Variants in NSUN6 observed in about 807,000 individuals in gnomAD.
NSUN6 encodes tRNA (cytosine(72)-C(5))-methyltransferase NSUN6.
A neutral mutation model predicts 58.0 loss-of-function variants in NSUN6; 64 were observed. The observed-to-expected ratio is 1.10, with a 90% CI of 0.90 to 1.36. The LOEUF (loss-of-function observed/expected upper bound fraction) is 1.36, where lower values mean the gene tolerates loss of function less well. Ranked by LOEUF, NSUN6 falls within the 40% of genes most tolerant of loss-of-function variation. The pLI is 0.00. For synonymous variants in NSUN6, 231 were observed against 193.9 expected, an observed-to-expected ratio of 1.19 and a Z score of -1.59; for missense variants, 701 against 550.1, an observed-to-expected ratio of 1.27 and a Z score of -2.74.
chr10:18,569,809 T>G lies in NSUN6; in HGVS notation c.922+16140A>C, dbSNP rs1486053935. Among the ~76,000 whole-genome samples, 3 of 150,810 alleles carry G rather than the reference T, an allele frequency of 2.0e-5. No individual in the cohort carries two copies. The East Asian group carries it at 5.9e-4, about 30-fold the overall frequency. On this transcript the variant is annotated intron_variant, in intron 8 of 10. Coordinates refer to ENST00000377304, the MANE Select transcript of NSUN6 (RefSeq NM_182543.5). ...CATTCCATTCTCCATTCCATTCCAT[T>G]CTCTATTCCATTCTCCATACCATTC...
At chr10:18,633,466 C>G (rs2059109253) in intron 3 of NSUN6, among the ~76,000 whole-genome samples, 1 of 151,778 alleles carries the variant, frequency 6.6e-6, no homozygotes, top group Non-Finnish European at 1.5e-5. Context: ...GAGAAAATTC[C>G]ATTTGCAATA....
chr10:18,596,961 G>A (rs2057612595), intron 6 of NSUN6, among the ~76,000 whole-genome samples: 1 of 152,048 alleles, frequency 6.6e-6, no homozygotes, highest in Non-Finnish European at 1.5e-5. Context: ...CATTTAAGAT[G>A]CCTTGTTTTA....
chr10:18,552,457 C>T, intron 8 of NSUN6, among the ~76,000 whole-genome samples: 1 of 152,136 alleles, frequency 6.6e-6, no homozygotes, highest in East Asian at 1.9e-4. Context: ...GAGCCAGTAC[C>T]ACCCCTAGAT....
chr10:18,584,213 T>G (rs1039065619), intron 8 of NSUN6, among the ~76,000 whole-genome samples: 10 of 152,174 alleles, frequency 6.6e-5, no homozygotes, highest in African/African-American at 2.4e-4. Flanking sequence ...TTACAACTTA[T>G]TCCTGCCCAG....
rs572694213 is a variant in NSUN6 at position 18,620,311 on chromosome 10, T to A, written c.312-4018A>T. 2.6e-5 allele frequency among the ~76,000 whole-genome samples: 4 copies of A among 152,144 alleles called. No individual in the cohort carries two copies. The East Asian group carries it at 7.7e-4, about 29-fold the overall frequency. ...ACCGTGTTAGCCAGGATAGTCTCGA[T>A]CTCCTGACTTCGTGATCCGCCCGCC... On this transcript the variant is annotated intron_variant, in intron 3 of 10. Transcript: ENST00000377304.
intron 8 of NSUN6, among the ~76,000 whole-genome samples, chr10:18,563,901 A>G (rs1482314959): frequency 6.9e-6 from 1 of 144,422 alleles, no homozygotes; most frequent in Non-Finnish European, 1.5e-5. Context: ...TCCATCCTCC[A>G]TTACATTACA....
At chr10:18,563,721 C>T (rs953515556) in intron 8 of NSUN6, among the ~76,000 whole-genome samples, 1 of 150,514 alleles carries the variant, frequency 6.6e-6, no homozygotes, top group Non-Finnish European at 1.5e-5. Flanking sequence ...CATTCCACTC[C>T]GTTCCATTCT....
intron 3 of NSUN6, among the ~76,000 whole-genome samples, chr10:18,621,693 C>A (rs189724509): frequency 6.6e-6 from 1 of 152,174 alleles, no homozygotes; most frequent in Non-Finnish European, 1.5e-5. Flanking sequence ...ACTATAAATA[C>A]ACCTAGATTG....
chr10:18,626,625 C>T (rs2058816773), intron 3 of NSUN6, among the ~76,000 whole-genome samples: 1 of 152,044 alleles, frequency 6.6e-6, no homozygotes, highest in Admixed American at 6.5e-5. Flanking sequence ...AAAATTAGCT[C>T]AGCGTGATGC....
At chr10:18,571,202 TTCCATTC>T (rs1219887499) in intron 8 of NSUN6, among the ~76,000 whole-genome samples, 69 of 150,806 alleles carry the variant, frequency 4.6e-4, no homozygotes, top group African/African-American at 1.6e-3. Flanking sequence ...TTCCATTCTC[TTCCATTC>T]TCCATTCTGT....
At chr10:18,633,294 G>A (rs919907479) in intron 3 of NSUN6, among the ~76,000 whole-genome samples, 3 of 150,274 alleles carry the variant, frequency 2.0e-5, no homozygotes, top group South Asian at 2.1e-4. Context: ...GGATAGCATT[G>A]GGAGATATAC....
intron 3 of NSUN6, among the ~76,000 whole-genome samples, chr10:18,624,906 A>T (rs1402628897): frequency 1.3e-5 from 2 of 152,044 alleles, no homozygotes; most frequent in East Asian, 3.9e-4. Flanking sequence ...GTACAAACAC[A>T]TGTTTATTCG....
upstream of NSUN6, among the ~76,000 whole-genome samples, chr10:18,655,936 A>G (rs2059772651): frequency 6.6e-6 from 1 of 152,246 alleles, no homozygotes; most frequent in African/African-American, 2.4e-5. Context: ...CCAAAGTCAT[A>G]GACCTACGGC....
intron 3 of NSUN6, among the ~76,000 whole-genome samples, chr10:18,630,621 A>C (rs1451590135): frequency 6.6e-6 from 1 of 152,218 alleles, no homozygotes; most frequent in African/African-American, 2.4e-5. Flanking sequence ...AGAATACTAC[A>C]AACACCTCTA....
intron 10 of NSUN6, among the ~76,000 whole-genome samples, chr10:18,547,068 T>C (rs1262472453): frequency 6.6e-6 from 1 of 152,046 alleles, no homozygotes; most frequent in Non-Finnish European, 1.5e-5. Flanking sequence ...CCCATACCAG[T>C]TGGGCGAGAA....
chr10:18,591,162 A>G (rs2057363843), intron 7 of NSUN6, among the ~76,000 whole-genome samples: 2 of 152,302 alleles, frequency 1.3e-5, no homozygotes, highest in South Asian at 2.1e-4. Context: ...TCCTGGACAC[A>G]TACACCCTCC....
In NSUN6 at chr10:18,609,870, A is replaced by G; in HGVS notation, c.632T>C (p.Val211Ala). 1.3e-6 allele frequency: 2 copies of G among 1,597,474 alleles called. No homozygotes were observed. The highest frequency in any genetic ancestry group is 1.7e-6 in the Non-Finnish European group (2 of 1,164,978). Reference sequence around the variant, plus strand: ...TTGTAAAAATAAGTAACGGGGCAGTACACTGTCAAATGAAGGGCTGAGATA... The same window carrying G: ...TTGTAAAAATAAGTAACGGGGCAGTGCACTGTCAAATGAAGGGCTGAGATA... ...PVYLSPSFDS[V>A]LPRYLFLQNL... The change falls in exon 6 of 11, where the codon GTA (valine) becomes GCA (alanine). Residue 211 changes from valine to alanine, a missense_variant. Physicochemically the swap from Val to Ala is moderately conservative, Grantham distance 64. Coordinates refer to ENST00000377304, the MANE Select transcript of NSUN6 (RefSeq NM_182543.5).
At chr10:18,652,460 G>T (rs2059726055), upstream of NSUN6, 1 of 983,626 alleles carries the variant, frequency 1.0e-6, no homozygotes, top group South Asian at 4.7e-5. Flanking sequence ...CACACACATA[G>T]AACAGGTACT....
chr10:18,628,983 A>G (rs1001621294), intron 3 of NSUN6, among the ~76,000 whole-genome samples: 3 of 152,172 alleles, frequency 2.0e-5, no homozygotes, highest in African/African-American at 4.8e-5. Context: ...TGAAGGAAAA[A>G]ATGTTCAGGG....
Sources: allele counts gnomAD v4.1 joint callset (sites outside exome capture counted in the v4.1 genomes callset), GRCh38; gene constraint gnomAD v4.1.1; transcripts MANE v1.5; gene names NCBI Gene and HGNC (gene_info 2026-07-23, HGNC 2026-07-21).